Variants in GRM3 observed in about 807,000 individuals in gnomAD.
The protein encoded by GRM3 is metabotropic glutamate receptor 3.
Under a neutral mutation model 70.5 loss-of-function variants are expected in GRM3, and 26 were observed. The ratio of observed to expected loss-of-function variants is 0.37; its 90% CI spans 0.27 to 0.51. The LOEUF (loss-of-function observed/expected upper bound fraction) is 0.51, where lower values mean the gene tolerates loss of function less well. GRM3 is among the 20% of genes least tolerant of loss of function. GRM3 has a pLI of 0.93. For missense variants in GRM3, 859 were observed against 1,123.8 expected (o/e 0.76, Z 3.37); for synonymous variants, 443 against 434.9 (o/e 1.02, Z -0.23).
chr7:86,810,713 A>G (rs903257320), intron 3 of GRM3, among the ~76,000 whole-genome samples: 3 of 151,878 alleles, frequency 2.0e-5, no homozygotes, highest in Admixed American at 1.3e-4. Flanking sequence ...GTCTGCCCCA[A>G]ATGGTTGTAT....
chr7:86,754,582 G>A (rs1796301553), intron 1 of GRM3, among the ~76,000 whole-genome samples: 1 of 151,976 alleles, frequency 6.6e-6, no homozygotes, highest in Non-Finnish European at 1.5e-5. Flanking sequence ...GGTATAAATG[G>A]GATAAAAGTT....
intron 2 of GRM3, among the ~76,000 whole-genome samples, chr7:86,777,855 A>T (rs140639356): frequency 1.7e-3 from 258 of 152,294 alleles, no homozygotes; most frequent in African/African-American, 5.9e-3. Flanking sequence ...TGTACAGCTA[A>T]TAATGTAACT....
intron 1 of GRM3, among the ~76,000 whole-genome samples, chr7:86,764,161 A>G (rs1304598901): frequency 2.0e-5 from 3 of 152,082 alleles, no homozygotes; most frequent in African/African-American, 7.2e-5. Context: ...AGTTGACCTA[A>G]GAAGTATGGA....
intron 1 of GRM3, among the ~76,000 whole-genome samples, chr7:86,732,600 A>T (rs1795760104): frequency 6.6e-6 from 1 of 152,220 alleles, no homozygotes; most frequent in South Asian, 2.1e-4. Context: ...TGTTCCAAGG[A>T]TTAACTAAGT....
At chr7:86,700,766 T>A (rs993520141) in intron 1 of GRM3, among the ~76,000 whole-genome samples, 2 of 151,844 alleles carry the variant, frequency 1.3e-5, no homozygotes, top group African/African-American at 2.4e-5. Context: ...GTGAATGGGG[T>A]CAGTTACTTA....
rs541933627 is a variant in GRM3 at position 86,824,570 on chromosome 7, G to A, written c.1325-14269G>A. Among the ~76,000 whole-genome samples, 52 of 152,210 alleles carry A rather than the reference G, an allele frequency of 3.4e-4. No homozygotes were observed. The South Asian group carries it at 3.9e-3, about 12-fold the overall frequency. On this transcript the variant is annotated intron_variant, in intron 3 of 5. Coordinates refer to ENST00000361669, the MANE Select transcript of GRM3 (RefSeq NM_000840.3). The stretch of plus-strand genomic sequence containing the variant: ...GTGGGTTTCAGGAACAAGAAGGTAG[G>A]CTAAGAAAAAAAGAAAGTGGAAGAG...
At chr7:86,691,275 C>T (rs1233068408) in intron 1 of GRM3, among the ~76,000 whole-genome samples, 1 of 152,160 alleles carries the variant, frequency 6.6e-6, no homozygotes, top group African/African-American at 2.4e-5. Flanking sequence ...CCTCATTTGT[C>T]TTCCGGTTTC....
intron 3 of GRM3, among the ~76,000 whole-genome samples, chr7:86,792,088 G>A (rs1043054712): frequency 2.0e-5 from 3 of 152,138 alleles, no homozygotes; most frequent in Admixed American, 1.3e-4. Flanking sequence ...AAAGGAAGTC[G>A]AGAGGTCTAT....
chr7:86,664,714 T>G (rs1793980957), intron 1 of GRM3, among the ~76,000 whole-genome samples: 2 of 151,920 alleles, frequency 1.3e-5, no homozygotes, highest in African/African-American at 4.8e-5. Context: ...AAGCAGATGA[T>G]GGTTACGTTT....
chr7:86,820,288 C>G (rs1015723489), intron 3 of GRM3, among the ~76,000 whole-genome samples: 1 of 152,084 alleles, frequency 6.6e-6, no homozygotes, highest in African/African-American at 2.4e-5. Context: ...GTTGGAATAG[C>G]CCATACTTGC....
intron 1 of GRM3, among the ~76,000 whole-genome samples, chr7:86,693,701 T>G (rs1794746104): frequency 6.6e-6 from 1 of 152,148 alleles, no homozygotes; most frequent in Non-Finnish European, 1.5e-5. Flanking sequence ...GCAGGTTATC[T>G]CGAAAAGAAA....
intron 3 of GRM3, among the ~76,000 whole-genome samples, chr7:86,825,454 C>G (rs1175049541): frequency 6.6e-6 from 1 of 152,178 alleles, no homozygotes; most frequent in Non-Finnish European, 1.5e-5. Flanking sequence ...AGACAGAAGA[C>G]TAAGCTATGC....
At chr7:86,733,648 G>A (rs956198466) in intron 1 of GRM3, among the ~76,000 whole-genome samples, 1 of 152,202 alleles carries the variant, frequency 6.6e-6, no homozygotes, top group African/African-American at 2.4e-5. Flanking sequence ...AGATGCAGCA[G>A]CGAAATAGGG....
At chr7:86,797,540 T>C (rs1307903754) in intron 3 of GRM3, among the ~76,000 whole-genome samples, 1 of 152,148 alleles carries the variant, frequency 6.6e-6, no homozygotes, top group Non-Finnish European at 1.5e-5. Flanking sequence ...AGGCATTCAG[T>C]TTTATGTACT....
At chr7:86,730,856 T>C (rs1356864693) in intron 1 of GRM3, among the ~76,000 whole-genome samples, 1 of 152,168 alleles carries the variant, frequency 6.6e-6, no homozygotes, top group African/African-American at 2.4e-5. Flanking sequence ...AAAATGGCCT[T>C]TTCTCTGCCC....
intron 4 of GRM3, among the ~76,000 whole-genome samples, chr7:86,840,379 T>G (rs1798537333): frequency 6.6e-6 from 1 of 152,180 alleles, no homozygotes; most frequent in South Asian, 2.1e-4. Flanking sequence ...ATAGAAACTT[T>G]CACTCATGCT....
intron 1 of GRM3, among the ~76,000 whole-genome samples, chr7:86,722,517 C>A (rs946816861): frequency 3.3e-5 from 5 of 151,246 alleles, no homozygotes; most frequent in Admixed American, 3.3e-4. Flanking sequence ...AAACCAAACA[C>A]CACACGTTCT....
At chr7:86,667,704 A>G (rs746916174) in intron 1 of GRM3, among the ~76,000 whole-genome samples, 2 of 152,134 alleles carry the variant, frequency 1.3e-5, no homozygotes, top group Admixed American at 1.3e-4. Context: ...AATCTTTTAT[A>G]TTAGTCACCT....
intron 1 of GRM3, among the ~76,000 whole-genome samples, chr7:86,688,231 C>A (rs1330469608): frequency 6.6e-6 from 1 of 151,164 alleles, no homozygotes; most frequent in African/African-American, 2.4e-5. Flanking sequence ...AAAAAAAATG[C>A]AGTTTTATTC....
Sources: gnomAD v4.1 joint callset for allele counts (sites outside exome capture counted in the v4.1 genomes callset) on GRCh38, gnomAD v4.1.1 for gene constraint, MANE v1.5 for transcripts, NCBI Gene and HGNC (gene_info 2026-07-23, HGNC 2026-07-21) for gene names.